The following MFSD8 variants were observed in gnomAD, a reference collection of about 807,000 sequenced individuals.
MFSD8 encodes major facilitator superfamily domain-containing protein 8.
A neutral mutation model predicts 66.4 loss-of-function variants in MFSD8; 55 were observed. The ratio of observed to expected loss-of-function variants is 0.83; its 90% CI spans 0.67 to 1.04. MFSD8 has a LOEUF of 1.04. Ranked by LOEUF, MFSD8 falls within the 50% of genes least tolerant of loss-of-function variation. The pLI is 0.00. For missense variants in MFSD8, 550 were observed against 627.6 expected (o/e 0.88, Z 1.32); for synonymous variants, 202 against 212.8 (o/e 0.95, Z 0.44).
In MFSD8 at chr4:127,921,918, C is replaced by A; in HGVS notation, c.1044G>T (p.Trp348Cys). 1 of 1,614,084 alleles carries A rather than the reference C, an allele frequency of 6.2e-7. No homozygotes were observed. The highest frequency in any genetic ancestry group is 8.5e-7 in the Non-Finnish European group (1 of 1,180,022). Reference protein sequence around the residue: ...AILLGGLIVVWVGFFILLPWG... With the variant: ...AILLGGLIVVCVGFFILLPWG... ...AAGGTAACAAGATAAAGAAGCCAAC[C>A]CATACAACGATGAGTCCTCCCAGTA... The change falls in exon 10 of 12, where the codon TGG (tryptophan) becomes TGT (cysteine). Residue 348 changes from tryptophan to cysteine, a missense_variant. Transcript: ENST00000641686.
chr4:127,949,658 T>C (rs982931369), intron 3 of MFSD8, 146 bp downstream of exon 3: 9 of 680,670 alleles, frequency 1.3e-5, no homozygotes, highest in African/African-American at 3.7e-5. Context: ...ACATTACTTA[T>C]AAGCCTCTTT....
At chr4:127,930,269 G>A (rs2148872204) in intron 9 of MFSD8, among the ~76,000 whole-genome samples, 1 of 152,100 alleles carries the variant, frequency 6.6e-6, no homozygotes, top group South Asian at 2.1e-4. Context: ...TGTGGTCTGG[G>A]AAATGACACA....
chr4:127,965,266 C>A, upstream of MFSD8: 1 of 1,154,722 alleles, frequency 8.7e-7, no homozygotes, highest in Non-Finnish European at 1.3e-6. Flanking sequence ...GTAGGCGGAA[C>A]GCCCCGAGGT....
At chr4:127,940,041 G>A (rs1201547360) in intron 5 of MFSD8, 44 bp from the exon 6 acceptor site, 2 of 1,533,154 alleles carry the variant, frequency 1.3e-6, no homozygotes, top group East Asian at 2.3e-5. Flanking sequence ...TATATGAGAA[G>A]CATAGGATAA....
At position 127,921,703 on chromosome 4, in the gene MFSD8, T is replaced by C. The variant is rs763226224; in HGVS notation, c.1171A>G (p.Met391Val). ...GTTGGTCTTTCATTGTCATCTTCCATTGGAGACTTCCAAAGACCAATAATA... is the reference window on the plus strand; with the variant it reads ...GTTGGTCTTTCATTGTCATCTTCCACTGGAGACTTCCAAAGACCAATAATA... The part of the protein sequence containing the change: ...EIIIGLWKSP[M>V]EDDNERPTGC... Residue 391 changes from methionine to valine, a missense_variant, in exon 11 of 12, where the codon ATG becomes GTG. By Grantham distance (21) the Met-to-Val change is conservative. Transcript: ENST00000641686. 1.1e-5 allele frequency: 17 copies of C among 1,614,078 alleles called. No individual in the cohort carries two copies. The highest frequency in any genetic ancestry group is 5.0e-5 in the Admixed American group (3 of 60,000).
At chr4:127,947,187 C>T (rs1228877116) in intron 3 of MFSD8, among the ~76,000 whole-genome samples, 3 of 151,752 alleles carry the variant, frequency 2.0e-5, no homozygotes, top group Non-Finnish European at 4.4e-5. Flanking sequence ...GTCAGGCGTT[C>T]GAGATCAGCC....
In MFSD8 at chr4:127,919,099, A is replaced by G. The variant is rs1417386099; in HGVS notation, c.*1531T>C. The G allele has an allele frequency of 6.6e-6, 1 of 152,234 alleles. No homozygotes were observed. The highest frequency in any genetic ancestry group is 2.4e-5 in the African/African-American group (1 of 41,464). The allele number at this position is 152,234 out of a possible 1,614,324, so 9.4% of individuals were successfully genotyped here. On this transcript the variant is annotated 3_prime_UTR_variant, in exon 12 of 12. Transcript: ENST00000641686. ...GAGTGAAAACAGTCTTCAAAATTTA[A>G]TCGTAGAATAATTCTATCAAATTAA...
chr4:127,932,993 A>G lies in MFSD8; in HGVS notation c.855T>C (p.Leu285=). ...LFFVTLFIFA[L]FETIITPLTM... ...GATGGAATAAAACTTACGTTTCAAAAAGGGCAAAGATAAATAGAGTCACAA... is the reference window on the plus strand; with the variant it reads ...GATGGAATAAAACTTACGTTTCAAAGAGGGCAAAGATAAATAGAGTCACAA... The change falls in exon 8 of 12, where the codon CTT becomes CTC. Residue 285 remains leucine (L), a synonymous_variant. Transcript: ENST00000641686. 1 of 1,612,392 alleles carries G rather than the reference A, an allele frequency of 6.2e-7. No homozygotes were observed. The highest frequency in any genetic ancestry group is 8.5e-7 in the Non-Finnish European group (1 of 1,178,584).
intron 3 of MFSD8, among the ~76,000 whole-genome samples, chr4:127,944,856 C>T (rs1740780646): frequency 6.6e-6 from 1 of 152,096 alleles, no homozygotes; most frequent in Non-Finnish European, 1.5e-5. Context: ...GACAGGGTCT[C>T]CCTATGTTGC....
chr4:127,929,364 T>C (rs1293986072), intron 9 of MFSD8, among the ~76,000 whole-genome samples: 2 of 82,286 alleles, frequency 2.4e-5, no homozygotes, highest in South Asian at 7.2e-4. Context: ...CTCATGAAGA[T>C]AGAGAGTAGA....
chr4:127,950,667 T>C (rs983388534), intron 2 of MFSD8, among the ~76,000 whole-genome samples: 2 of 151,874 alleles, frequency 1.3e-5, no homozygotes, highest in African/African-American at 4.8e-5. Context: ...CACTCCAGCA[T>C]GGGTGACAGA....
At chr4:127,934,298 A>G (rs1002780775) in intron 7 of MFSD8, among the ~76,000 whole-genome samples, 1 of 152,150 alleles carries the variant, frequency 6.6e-6, no homozygotes, top group African/African-American at 2.4e-5. Context: ...TGTTATCATT[A>G]CCATTTTAAA....
chr4:127,943,715 G>C (rs768315317), intron 4 of MFSD8, 37 bp downstream of exon 4: 1 of 1,613,418 alleles, frequency 6.2e-7, no homozygotes, highest in South Asian at 1.1e-5. Context: ...GAATGAATGT[G>C]AATATGACAC....
chr4:127,921,713 C>G lies in MFSD8; in HGVS notation c.1161G>C (p.Trp387Cys). ...CATTGTCATCTTCCATTGGAGACTT[C>G]CAAAGACCAATAATAATTTCCCCAA... is the stretch of plus-strand genomic sequence containing the variant. ...TTFGEIIIGL[W>C]KSPMEDDNER... is the part of the protein sequence containing the mutation. Residue 387 changes from tryptophan to cysteine, a missense_variant, in exon 11 of 12, where the codon TGG becomes TGC. By Grantham distance (215) the Trp-to-Cys change is radical (BLOSUM62 -2). Transcript: ENST00000641686. 1.2e-6 allele frequency: 2 copies of G among 1,614,104 alleles called. No individual in the cohort carries two copies. Among genetic ancestry groups the G allele is most frequent in the Non-Finnish European group, 8.5e-7 (1 of 1,180,024 alleles).
chr4:127,932,969 A>G lies in MFSD8; in HGVS notation c.863+16T>C. ...AAAACATAATCTGATTCAGATGAAG[A>G]TGGAATAAAACTTACGTTTCAAAAA... is the stretch of plus-strand genomic sequence containing the variant. On this transcript the variant is annotated intron_variant, in intron 8 of 11. Transcript: ENST00000641686. 6.4e-7 allele frequency: 1 copy of G among 1,570,630 alleles called. No homozygotes were observed. Among genetic ancestry groups the G allele is most frequent in the Non-Finnish European group, 8.8e-7 (1 of 1,140,824 alleles).
In MFSD8 at chr4:127,938,592, AAAATAAATAAATAAAT is replaced by A. The variant is rs376661613; in HGVS notation, c.754+175_754+190del. Among the ~76,000 whole-genome samples, 716 of 131,012 alleles carry A rather than the reference AAAATAAATAAATAAAT, an allele frequency of 5.5e-3. 3 individuals are homozygous for A. The highest frequency in any genetic ancestry group is 0.015 in the Middle Eastern group (4 of 270). 85.9% of individuals were successfully genotyped at this position (131,012 alleles called of 152,430 possible). On this transcript the variant is annotated intron_variant, in intron 7 of 11. Coordinates refer to ENST00000641686, the MANE Select transcript of MFSD8 (RefSeq NM_001371596.2). ...AGCGAAACTCTGTCTCAAAAAAAAA[AAAATAAATAAATAAAT>A]AAATAAATAAATAAATAAATAAATA...
chr4:127,952,329 G>A (rs1475467764), intron 2 of MFSD8, among the ~76,000 whole-genome samples: 2 of 151,916 alleles, frequency 1.3e-5, no homozygotes, highest in Admixed American at 6.6e-5. Context: ...GCGAGAACCC[G>A]GGAGGCGAAG....
At position 127,957,552 on chromosome 4, in the gene MFSD8, G is replaced by T; in HGVS notation, c.103C>A (p.Arg35=). ...TATAAAATCCTAATAGATCTCCATCGGCTCTTATAATGCTCTTCAGTCTCT... is the reference window on the plus strand; with the variant it reads ...TATAAAATCCTAATAGATCTCCATCTGCTCTTATAATGCTCTTCAGTCTCT... ...ILETEEHYKS[R]WRSIRILYLT... is the part of the protein sequence containing the mutation. The change falls in exon 2 of 12, where the codon CGA becomes AGA. Residue 35 remains arginine, a synonymous_variant. Transcript: ENST00000641686. 1 of 1,611,810 alleles carries T rather than the reference G, an allele frequency of 6.2e-7. No individual in the cohort carries two copies.
chr4:127,935,765 C>A (rs1738965611), intron 7 of MFSD8, among the ~76,000 whole-genome samples: 1 of 152,106 alleles, frequency 6.6e-6, no homozygotes, highest in Non-Finnish European at 1.5e-5. Context: ...GCCACATATA[C>A]CCATTATTGA....
Sources: allele counts gnomAD v4.1 joint callset (sites outside exome capture counted in the v4.1 genomes callset), GRCh38; gene constraint gnomAD v4.1.1; transcripts MANE v1.5; gene names NCBI Gene and HGNC (gene_info 2026-07-23, HGNC 2026-07-21).